PCSK5: variants seen among roughly 807,000 people sequenced by gnomAD.
PCSK5 encodes prohormone convertase 5.
PCSK5 carries 129 observed loss-of-function variants against 233.2 expected under a neutral mutation model. That is an observed-to-expected ratio of 0.55 (90% confidence interval 0.48 to 0.64). The LOEUF (loss-of-function observed/expected upper bound fraction) is 0.64, where lower values mean the gene tolerates loss of function less well. Ranked by LOEUF, PCSK5 falls within the 30% of genes least tolerant of loss-of-function variation. PCSK5 has a pLI of 0.00. For missense variants in PCSK5, 2,076 were observed against 2,430.1 expected (o/e 0.85, Z 3.06); for synonymous variants, 825 against 879.2 (o/e 0.94, Z 1.09).
intron 35 of PCSK5, among the ~76,000 whole-genome samples, chr9:76,348,245 T>C (rs1370276774): frequency 6.6e-6 from 1 of 152,122 alleles, no homozygotes; most frequent in Non-Finnish European, 1.5e-5. Flanking sequence ...CTCATGTCTA[T>C]TGAAAATACA....
At chr9:76,143,800 G>C (rs564164352) in intron 10 of PCSK5, among the ~76,000 whole-genome samples, 1 of 151,594 alleles carries the variant, frequency 6.6e-6, no homozygotes, top group East Asian at 1.9e-4. Flanking sequence ...CAAAGGGTGT[G>C]GTGAGAAGAT....
chr9:75,910,031 T>G (rs762052646), intron 1 of PCSK5, among the ~76,000 whole-genome samples: 43 of 152,188 alleles, frequency 2.8e-4, no homozygotes, highest in Non-Finnish European at 8.8e-5. Flanking sequence ...AGAGATGCGA[T>G]GAGCAGCACT....
In PCSK5 at chr9:76,360,041, G is replaced by A. The variant is rs1830403466; in HGVS notation, c.*1119G>A. The A allele has an allele frequency of 1.3e-5, 2 of 152,102 alleles. No homozygotes were observed. Among genetic ancestry groups the A allele is most frequent in the Admixed American group, 1.3e-4 (2 of 15,260 alleles). 9.4% of individuals were successfully genotyped at this position (152,102 alleles called of 1,614,324 possible). On this transcript the variant is annotated 3_prime_UTR_variant, in exon 38 of 38. Coordinates refer to ENST00000674117, the MANE Select transcript of PCSK5 (RefSeq NM_001372043.1). ...AGTGTATTCTTGGATTCATGCAACT[G>A]AGGACAGTTTTTGTCCAGATTGTAA...
At chr9:76,144,052 G>A (rs1407005105) in intron 10 of PCSK5, among the ~76,000 whole-genome samples, 2 of 150,926 alleles carry the variant, frequency 1.3e-5, no homozygotes, top group African/African-American at 5.0e-5. Flanking sequence ...TTGAGTTGCT[G>A]TACACCTATT....
Position 76,323,059 on chromosome 9 carries a change from G to T in PCSK5, c.4110G>T (p.Thr1370=), listed in dbSNP as rs753785709. Residue 1370 remains threonine (T), a synonymous_variant, in exon 32 of 38, where the codon ACG becomes ACT. Transcript: ENST00000674117. ...CIHEKTCKEC[T]PEFFLHDDMC... ...GCTTCCTCCTTTTCCCAGAGTGCACGCCTGAGTTCTTCCTGCACGATGATA... is the reference window on the plus strand; with the variant it reads ...GCTTCCTCCTTTTCCCAGAGTGCACTCCTGAGTTCTTCCTGCACGATGATA... The T allele has an allele frequency of 1.3e-6, 2 of 1,592,036 alleles. No individual in the cohort carries two copies. The highest frequency in any genetic ancestry group is 1.7e-5 in the Admixed American group (1 of 57,754).
chr9:75,935,099 G>A lies in PCSK5; in HGVS notation c.297+2616G>A, dbSNP rs565282500. On this transcript the variant is annotated intron_variant, in intron 2 of 37. Coordinates refer to ENST00000674117, the MANE Select transcript of PCSK5 (RefSeq NM_001372043.1). ...TATTTTATTTTTGAGACAGAGTTTC[G>A]CTCTGTCACCCAGGCTGGAATGCAG... is the stretch of plus-strand genomic sequence containing the variant. 2.3e-4 allele frequency among the ~76,000 whole-genome samples: 35 copies of A among 151,402 alleles called. No individual in the cohort carries two copies. The East Asian group carries it at 6.3e-3, about 27-fold the overall frequency.
chr9:76,231,141 A>C lies in PCSK5; in HGVS notation c.2730-2319A>C, dbSNP rs1027161169. On this transcript the variant is annotated intron_variant, in intron 21 of 37. Transcript: ENST00000674117. Reference sequence around the variant, plus strand: ...ACTGGGAAGGTCTCAGGAATCTTACAATCATGGCAGAAGGCAAAGGGGAGG... The same window carrying C: ...ACTGGGAAGGTCTCAGGAATCTTACCATCATGGCAGAAGGCAAAGGGGAGG... 2.0e-5 allele frequency among the ~76,000 whole-genome samples: 3 copies of C among 152,150 alleles called. No individual in the cohort carries two copies. In the South Asian group the frequency reaches 6.2e-4, roughly 31 times the overall value.
At chr9:76,315,169 G>C (rs562327732) in intron 30 of PCSK5, among the ~76,000 whole-genome samples, 1 of 151,962 alleles carries the variant, frequency 6.6e-6, no homozygotes, top group Non-Finnish European at 1.5e-5. Context: ...GGCCAGGCTG[G>C]TCTTGAACTC....
At position 76,332,606 on chromosome 9, in the gene PCSK5, G is replaced by C; in HGVS notation, c.4744G>C (p.Glu1582Gln). ...LGKECLLQCR[E>Q]GYYADNSTGR... Reference sequence around the variant, plus strand: ...AAAAGAGTGCCTGCTCCAGTGCAGGGAAGGGTAAGTGCTCAATACATTTTC... The same window carrying C: ...AAAAGAGTGCCTGCTCCAGTGCAGGCAAGGGTAAGTGCTCAATACATTTTC... Residue 1582 changes from glutamate (E) to glutamine (Q), a missense_variant, in exon 34 of 38, where the codon GAA becomes CAA. Around this residue, in one of 6 missense-constraint regions of PCSK5, gnomAD observed 1,510 missense variants for 1,538.1 expected, o/e 0.98. Transcript: ENST00000674117. 6.3e-7 allele frequency: 1 copy of C among 1,576,646 alleles called. No individual in the cohort carries two copies. Among genetic ancestry groups the C allele is most frequent in the Non-Finnish European group, 8.6e-7 (1 of 1,159,910 alleles).
chr9:76,101,138 C>T (rs939484459), intron 8 of PCSK5, among the ~76,000 whole-genome samples: 7 of 152,054 alleles, frequency 4.6e-5, no homozygotes, highest in Non-Finnish European at 1.0e-4. Flanking sequence ...GTCTGTTTTT[C>T]GCACTACAAT....
chr9:75,952,694 G>A (rs1824919398), intron 2 of PCSK5, among the ~76,000 whole-genome samples: 1 of 152,052 alleles, frequency 6.6e-6, no homozygotes, highest in Non-Finnish European at 1.5e-5. Context: ...TTCTAGAATG[G>A]CATAAAAAAA....
chr9:75,957,385 A>G (rs1186371990), intron 2 of PCSK5, among the ~76,000 whole-genome samples: 5 of 152,198 alleles, frequency 3.3e-5, no homozygotes, highest in Non-Finnish European at 7.4e-5. Context: ...ACAGAATGGA[A>G]TGTGCTGTAT....
rs1824269127 is a variant in PCSK5, at chr9:76,189,626, C to T, written c.2511-5C>T. On this transcript the variant is annotated splice_region_variant and splice_polypyrimidine_tract_variant and intron_variant, in intron 19 of 37. Coordinates refer to ENST00000674117, the MANE Select transcript of PCSK5 (RefSeq NM_001372043.1). ...GGATTAAAAAATTGTACATTTTTCT[C>T]ATAGATGTGATATCAGTTGTTTGAC... 3 of 1,587,380 alleles carry T rather than the reference C, an allele frequency of 1.9e-6. No individual in the cohort carries two copies. Among genetic ancestry groups the T allele is most frequent in the Admixed American group, 1.7e-5 (1 of 59,886 alleles).
intron 37 of PCSK5, among the ~76,000 whole-genome samples, chr9:76,355,255 A>G (rs143549183): frequency 0.056 from 8,578 of 152,150 alleles, 324 homozygotes; most frequent in Middle Eastern, 0.12. Context: ...GGCGGATCAC[A>G]AGGTCAGGAG....
At position 76,328,218 on chromosome 9, in the gene PCSK5, C is replaced by T. The variant is rs1379710886; in HGVS notation, c.4549C>T (p.Pro1517Ser). 2 of 1,612,050 alleles carry T rather than the reference C, an allele frequency of 1.2e-6. No homozygotes were observed. Among genetic ancestry groups the T allele is most frequent in the Non-Finnish European group, 1.7e-6 (2 of 1,179,272 alleles). The change falls in exon 33 of 38, where the codon CCC becomes TCC. Residue 1517 changes from proline (P) to serine (S), a missense_variant. Around this residue, in one of 6 missense-constraint regions of PCSK5, gnomAD observed 1,510 missense variants for 1,538.1 expected, o/e 0.98. Coordinates refer to ENST00000674117, the MANE Select transcript of PCSK5 (RefSeq NM_001372043.1). ...GPAEDQCQTC[P>S]MNSLLLNTTC... is the part of the protein sequence containing the mutation. ...GGCGGAGGACCAGTGTCAAACATGCCCCATGAACAGCCTTCTTCTCAGTGA... is the reference window on the plus strand; with the variant it reads ...GGCGGAGGACCAGTGTCAAACATGCTCCATGAACAGCCTTCTTCTCAGTGA...
At chr9:76,293,774 C>A (rs970719509) in intron 25 of PCSK5, among the ~76,000 whole-genome samples, 1 of 152,242 alleles carries the variant, frequency 6.6e-6, no homozygotes, top group Non-Finnish European at 1.5e-5. Context: ...CTCTGAAAAA[C>A]AAATACCCTG....
intron 35 of PCSK5, among the ~76,000 whole-genome samples, chr9:76,341,274 A>T (rs1438719411): frequency 1.3e-5 from 2 of 151,966 alleles, no homozygotes; most frequent in African/African-American, 4.8e-5. Flanking sequence ...ATCCATTTTT[A>T]TTTTAGATCT....
intron 2 of PCSK5, among the ~76,000 whole-genome samples, chr9:75,938,495 A>T (rs1824160493): frequency 6.6e-6 from 1 of 152,236 alleles, no homozygotes; most frequent in Non-Finnish European, 1.5e-5. Context: ...TATTGCAATA[A>T]TTACCAAAAT....
intron 3 of PCSK5, among the ~76,000 whole-genome samples, chr9:75,989,338 CA>C (rs1357721660): frequency 1.3e-5 from 2 of 152,014 alleles, no homozygotes; most frequent in African/African-American, 4.8e-5. Flanking sequence ...ACCAAAAATA[CA>C]AAAAATTAGC....
Sources: allele counts gnomAD v4.1 joint callset (sites outside exome capture counted in the v4.1 genomes callset), GRCh38; gene constraint gnomAD v4.1.1; regional missense constraint gnomAD v4.1.1; transcripts MANE v1.5; gene names NCBI Gene and HGNC (gene_info 2026-07-23, HGNC 2026-07-21).